Variants in NAV2 observed in about 807,000 individuals in gnomAD.
NAV2 encodes neuron navigator 2.
NAV2 carries 54 observed loss-of-function variants against 223.2 expected under a neutral mutation model. That is an observed-to-expected ratio of 0.24 (90% CI 0.19 to 0.30). NAV2 has a LOEUF of 0.30. NAV2 is among the 10% of genes least tolerant of loss of function. NAV2 has a pLI of 1.00. For synonymous variants in NAV2, 1,279 were observed against 1,239.3 expected, an observed-to-expected ratio of 1.03 and a Z score of -0.67; for missense variants, 2,806 against 3,147.5, an observed-to-expected ratio of 0.89 and a Z score of 2.60.
At chr11:19,844,447 A>T (rs1423437468) in intron 3 of NAV2, among the ~76,000 whole-genome samples, 3 of 152,188 alleles carry the variant, frequency 2.0e-5, no homozygotes, top group African/African-American at 4.8e-5. Flanking sequence ...TTCCAAGCTT[A>T]TACAGATTGA....
intron 1 of NAV2, among the ~76,000 whole-genome samples, chr11:19,362,262 TC>T (rs1417777719): frequency 6.6e-6 from 1 of 152,178 alleles, no homozygotes; most frequent in African/African-American, 2.4e-5. Flanking sequence ...TCTATGTGAC[TC>T]CAAAGCCTGT....
At chr11:19,623,242 C>A (rs2047062230) in intron 1 of NAV2, among the ~76,000 whole-genome samples, 1 of 152,100 alleles carries the variant, frequency 6.6e-6, no homozygotes. Flanking sequence ...AATTATGTGT[C>A]TTGGAGTTGC....
chr11:19,774,888 G>C (rs1406288280), intron 1 of NAV2, among the ~76,000 whole-genome samples: 1 of 152,144 alleles, frequency 6.6e-6, no homozygotes, highest in Non-Finnish European at 1.5e-5. Flanking sequence ...TTCCAGCAAA[G>C]ATTGGAAACT....
At chr11:19,872,311 G>A (rs2062564337) in intron 4 of NAV2, among the ~76,000 whole-genome samples, 1 of 152,136 alleles carries the variant, frequency 6.6e-6, no homozygotes, top group Non-Finnish European at 1.5e-5. Context: ...TATGGGGTCA[G>A]TATTAGTATT....
intron 1 of NAV2, among the ~76,000 whole-genome samples, chr11:19,395,660 G>A (rs1475219834): frequency 1.3e-5 from 2 of 152,148 alleles, no homozygotes; most frequent in African/African-American, 4.8e-5. Flanking sequence ...CTTGCTACCG[G>A]TTTCTGGATG....
intron 10 of NAV2, among the ~76,000 whole-genome samples, chr11:19,973,596 T>A (rs976152662): frequency 4.6e-5 from 7 of 152,200 alleles, no homozygotes; most frequent in Non-Finnish European, 1.0e-4. Flanking sequence ...GTGGTGAGAT[T>A]AAGCGTGTGT....
intron 8 of NAV2, among the ~76,000 whole-genome samples, chr11:19,945,265 T>G (rs535821384): frequency 4.6e-4 from 69 of 149,700 alleles, no homozygotes; most frequent in Middle Eastern, 7.0e-3. Flanking sequence ...GTCTTTTCTT[T>G]CTTGCTTGCT....
chr11:19,457,918 G>T (rs563306340), intron 1 of NAV2, among the ~76,000 whole-genome samples: 8 of 152,294 alleles, frequency 5.3e-5, no homozygotes, highest in African/African-American at 1.9e-4. Flanking sequence ...GAAGTGGGTT[G>T]CTGGGACATG....
rs57566081 is a variant in NAV2, at chr11:19,397,418, T to TGTGTGTGTGTGCGCGC, written c.75+46392_75+46393insTGTGTGTGTGCGCGCG. On this transcript the variant is annotated intron_variant, in intron 1 of 37. Transcript: ENST00000360655. ...GGGAGTGTGTGTGTGTGTGTGTGTG[T>TGTGTGTGTGTGCGCGC]GCGCGCATGTGTGTGTAGGGAATAC... Among the ~76,000 whole-genome samples, 571 of 145,344 alleles carry TGTGTGTGTGTGCGCGC rather than the reference T, an allele frequency of 3.9e-3. 8 individuals carry two copies. Among genetic ancestry groups the TGTGTGTGTGTGCGCGC allele is most frequent in the African/African-American group, 0.014 (524 of 38,630 alleles).
intron 27 of NAV2, among the ~76,000 whole-genome samples, chr11:20,091,483 C>G (rs1426705225): frequency 6.6e-6 from 1 of 152,194 alleles, no homozygotes; most frequent in Non-Finnish European, 1.5e-5. Flanking sequence ...TAATGCTCGG[C>G]CTGATTCCTT....
intron 6 of NAV2, among the ~76,000 whole-genome samples, chr11:19,904,307 G>A (rs1285154550): frequency 7.9e-5 from 12 of 152,058 alleles, no homozygotes; most frequent in Admixed American, 7.9e-4. Flanking sequence ...ATTCAAAAGT[G>A]AAAAAGCAGA....
chr11:19,581,713 G>C (rs916275766), intron 1 of NAV2, among the ~76,000 whole-genome samples: 1 of 152,174 alleles, frequency 6.6e-6, no homozygotes, highest in Non-Finnish European at 1.5e-5. Flanking sequence ...TTTTATGGCT[G>C]CATAGTATTC....
intron 1 of NAV2, among the ~76,000 whole-genome samples, chr11:19,650,591 A>C (rs549807484): frequency 6.6e-6 from 1 of 152,302 alleles, no homozygotes; most frequent in Admixed American, 6.5e-5. Context: ...AGAGAAATGA[A>C]AGCATAGGGC....
chr11:19,974,397 T>TGTAA (rs529195664), intron 10 of NAV2, among the ~76,000 whole-genome samples: 206 of 152,340 alleles, frequency 1.4e-3, no homozygotes, highest in South Asian at 5.0e-3. Context: ...TCAGTAGAGC[T>TGTAA]GTAAGACACA....
chr11:19,627,637 C>A (rs891953174), intron 1 of NAV2, among the ~76,000 whole-genome samples: 3 of 152,024 alleles, frequency 2.0e-5, no homozygotes, highest in African/African-American at 7.2e-5. Flanking sequence ...TCATGTAGGT[C>A]CTTTGCCACA....
intron 1 of NAV2, among the ~76,000 whole-genome samples, chr11:19,395,386 G>A (rs920753171): frequency 5.3e-5 from 8 of 152,236 alleles, no homozygotes; most frequent in Non-Finnish European, 1.2e-4. Flanking sequence ...TGCTTGGGAT[G>A]TAGAGAGGAC....
intron 1 of NAV2, among the ~76,000 whole-genome samples, chr11:19,414,408 A>T (rs564288220): frequency 3.3e-5 from 5 of 152,356 alleles, no homozygotes; most frequent in Admixed American, 1.3e-4. Flanking sequence ...TCCTAAATAT[A>T]TATGCACCAA....
chr11:19,686,888 C>T (rs145097871), intron 1 of NAV2, among the ~76,000 whole-genome samples: 15 of 152,346 alleles, frequency 9.8e-5, no homozygotes, highest in African/African-American at 3.6e-4. Context: ...GGGCTAAACC[C>T]TTCATATGCA....
intron 3 of NAV2, among the ~76,000 whole-genome samples, chr11:19,863,746 T>G (rs983438461): frequency 6.6e-6 from 1 of 152,228 alleles, no homozygotes; most frequent in Admixed American, 6.5e-5. Flanking sequence ...CTTGTCATCA[T>G]ATACTTATTT....
Sources: gnomAD v4.1 joint callset for allele counts (sites outside exome capture counted in the v4.1 genomes callset) on GRCh38, gnomAD v4.1.1 for gene constraint, MANE v1.5 for transcripts, NCBI Gene and HGNC (gene_info 2026-07-23, HGNC 2026-07-21) for gene names.